CFTR: variants seen among roughly 807,000 people sequenced by gnomAD.
The protein encoded by CFTR is CF transmembrane conductance regulator.
Under a neutral mutation model 171.6 loss-of-function variants are expected in CFTR, and 181 were observed. The ratio of observed to expected loss-of-function variants is 1.05; its 90% CI spans 0.93 to 1.19. The LOEUF is 1.19. Among genes scored for constraint, CFTR ranks in the 50% most tolerant of loss-of-function variants. CFTR has a pLI of 0.00. For missense variants in CFTR, 1,968 were observed against 1,734.7 expected (o/e 1.13, Z -2.39); for synonymous variants, 583 against 608.0 (o/e 0.96, Z 0.60).
intron 22 of CFTR, among the ~76,000 whole-genome samples, chr7:117,640,863 C>T (rs1175087643): frequency 6.6e-6 from 1 of 152,158 alleles, no homozygotes; most frequent in East Asian, 1.9e-4. Context: ...ATCCATTCTT[C>T]CATCTGGCTA....
rs1792673994 is a variant in CFTR at position 117,627,658 on chromosome 7, A to G, written c.3605A>G (p.Asp1202Gly). Reference protein sequence around the residue: ...IIENSHVKKDDIWPSGGQMTV... With the variant: ...IIENSHVKKDGIWPSGGQMTV... ...GAGAATTCACACGTGAAGAAAGATG[A>G]CATCTGGCCCTCAGGGGGCCAAATG... Residue 1202 changes from aspartate to glycine, a missense_variant, in exon 22 of 27, where the codon GAC becomes GGC. By Grantham distance (94) the Asp-to-Gly change is moderately conservative. Transcript: ENST00000003084. The G allele has an allele frequency of 1.2e-6, 2 of 1,613,352 alleles. No homozygotes were observed. Among genetic ancestry groups the G allele is most frequent in the East Asian group, 2.2e-5 (1 of 44,834 alleles).
intron 5 of CFTR, 53 bp from the exon 6 acceptor site, chr7:117,535,195 C>T: frequency 6.3e-7 from 1 of 1,580,346 alleles, no homozygotes; most frequent in Non-Finnish European, 8.7e-7. Flanking sequence ...TTGTTAGTTT[C>T]TAGGGGTGGA....
At chr7:117,653,122 A>T (rs1193033922) in intron 24 of CFTR, among the ~76,000 whole-genome samples, 191 bp downstream of exon 24, 1 of 152,134 alleles carries the variant, frequency 6.6e-6, no homozygotes, top group Non-Finnish European at 1.5e-5. Flanking sequence ...ATGATTTTGA[A>T]AGAGGTAACT....
In CFTR at chr7:117,627,669, T is replaced by G. The variant is rs1792674462; in HGVS notation, c.3616T>G (p.Ser1206Ala). The change falls in exon 22 of 27, where the codon TCA (serine) becomes GCA (alanine). Residue 1206 changes from serine (S) to alanine (A), a missense_variant. Physicochemically the swap from Ser to Ala is moderately conservative, Grantham distance 99. Coordinates refer to ENST00000003084, the MANE Select transcript of CFTR (RefSeq NM_000492.4). ...SHVKKDDIWP[S>A]GGQMTVKDLT... Reference sequence around the variant, plus strand: ...CGTGAAGAAAGATGACATCTGGCCCTCAGGGGGCCAAATGACTGTCAAAGA... The same window carrying G: ...CGTGAAGAAAGATGACATCTGGCCCGCAGGGGGCCAAATGACTGTCAAAGA... 1 of 1,613,098 alleles carries G rather than the reference T, an allele frequency of 6.2e-7. No homozygotes were observed. The highest frequency in any genetic ancestry group is 8.5e-7 in the Non-Finnish European group (1 of 1,179,328).
intron 1 of CFTR, among the ~76,000 whole-genome samples, chr7:117,498,446 C>T (rs978049428): frequency 3.5e-4 from 53 of 152,200 alleles, no homozygotes; most frequent in Admixed American, 9.8e-4. Flanking sequence ...AGTAACTTGA[C>T]CCCAATACTG....
At position 117,606,880 on chromosome 7, in the gene CFTR, G is replaced by T. The variant is rs573852144; in HGVS notation, c.2988+127G>T. 23 of 721,086 alleles carry T rather than the reference G, an allele frequency of 3.2e-5. No individual in the cohort carries two copies. The South Asian group carries it at 3.3e-4, about 10-fold the overall frequency. The allele number at this position is 721,086 out of a possible 1,614,324, so 44.7% of individuals were successfully genotyped here. ...AAGTCCTGTCTATTGCATTAATTTT[G>T]TAATTATCCAAAGCCTTCAAAATAG... is the stretch of plus-strand genomic sequence containing the variant. On this transcript the variant is annotated intron_variant, in intron 18 of 26. Transcript: ENST00000003084.
chr7:117,532,981 A>G (rs1798887177), intron 4 of CFTR, among the ~76,000 whole-genome samples: 1 of 152,200 alleles, frequency 6.6e-6, no homozygotes, highest in Non-Finnish European at 1.5e-5. Context: ...AGTTTGTAAT[A>G]GAGCTCTTCT....
intron 10 of CFTR, among the ~76,000 whole-genome samples, chr7:117,559,082 A>C (rs1419222696): frequency 1.3e-5 from 2 of 152,214 alleles, no homozygotes; most frequent in African/African-American, 4.8e-5. Flanking sequence ...ATTTCTGTGA[A>C]GATTAAATAA....
At chr7:117,484,100 G>C (rs1798037300) in intron 1 of CFTR, among the ~76,000 whole-genome samples, 1 of 152,200 alleles carries the variant, frequency 6.6e-6, no homozygotes, top group African/African-American at 2.4e-5. Context: ...TTATGGCTAA[G>C]CCATAAATAT....
At chr7:117,504,214 A>G in intron 1 of CFTR, 39 bp from the exon 2 acceptor site, 2 of 1,222,000 alleles carry the variant, frequency 1.6e-6, no homozygotes, top group Non-Finnish European at 1.2e-6. Context: ...TATGGAGACC[A>G]AATCAAGTGA....
At chr7:117,570,793 A>G (rs1044334133) in intron 11 of CFTR, among the ~76,000 whole-genome samples, 10 of 152,232 alleles carry the variant, frequency 6.6e-5, no homozygotes, top group African/African-American at 2.4e-4. Flanking sequence ...TTAAACTATC[A>G]AGACTATAAA....
rs530993180 is a variant in CFTR at position 117,575,549 on chromosome 7, G to A, written c.1585-12190G>A. Among the ~76,000 whole-genome samples, 90 of 152,214 alleles carry A rather than the reference G, an allele frequency of 5.9e-4. 2 individuals carry two copies. The highest frequency in any genetic ancestry group is 1.0e-3 in the Non-Finnish European group (71 of 68,014). On this transcript the variant is annotated intron_variant, in intron 11 of 26. Coordinates refer to ENST00000003084, the MANE Select transcript of CFTR (RefSeq NM_000492.4). ...GAGTTTGTCTCAAGATTTCTTGCAC[G>A]TGAATGAATGAGTACAGCTGGGATA...
At chr7:117,602,933 G>T in intron 16 of CFTR, 70 bp downstream of exon 16, 1 of 1,281,958 alleles carries the variant, frequency 7.8e-7, no homozygotes, top group East Asian at 2.3e-5. Flanking sequence ...AATCCACTAT[G>T]TTTGTATGTA....
intron 23 of CFTR, among the ~76,000 whole-genome samples, chr7:117,648,015 T>C (rs1793021105): frequency 6.7e-6 from 1 of 148,630 alleles, no homozygotes; most frequent in Non-Finnish European, 1.5e-5. Flanking sequence ...TGTGTGTGTG[T>C]GTGTGTGTGT....
chr7:117,558,072 T>A (rs974500132), intron 10 of CFTR, among the ~76,000 whole-genome samples: 16 of 152,204 alleles, frequency 1.1e-4, no homozygotes, highest in African/African-American at 3.9e-4. Context: ...GATTTTTTTT[T>A]ACTAATTTTG....
At chr7:117,571,295 C>A (rs1238317800) in intron 11 of CFTR, among the ~76,000 whole-genome samples, 1 of 152,100 alleles carries the variant, frequency 6.6e-6, no homozygotes, top group Non-Finnish European at 1.5e-5. Flanking sequence ...GTTAGGAAAT[C>A]CAGAGCAGGA....
At chr7:117,605,501 T>C (rs1167190675) in intron 17 of CFTR, among the ~76,000 whole-genome samples, 2 of 152,170 alleles carry the variant, frequency 1.3e-5, no homozygotes, top group African/African-American at 4.8e-5. Context: ...GTTTATAAGT[T>C]CCTGTGATAT....
rs1429566 is a variant in CFTR, at chr7:117,530,720, G to A, written c.274-179G>A. The stretch of plus-strand genomic sequence containing the variant: ...CCACTGTTGCTATAACAAATCCCAA[G>A]TCTTATTTCAAAGTACCAAGATATT... On this transcript the variant is annotated intron_variant, in intron 3 of 26. Coordinates refer to ENST00000003084, the MANE Select transcript of CFTR (RefSeq NM_000492.4). 0.25 allele frequency among the ~76,000 whole-genome samples: 38,256 copies of A among 151,966 alleles called. 5,098 individuals carry two copies. The highest frequency in any genetic ancestry group is 0.42 in the East Asian group (2,161 of 5,172).
intron 3 of CFTR, among the ~76,000 whole-genome samples, chr7:117,521,970 T>C (rs576413248): frequency 9.9e-5 from 15 of 152,140 alleles, no homozygotes; most frequent in Non-Finnish European, 1.9e-4. Context: ...GAATTTAGAC[T>C]CATCTACAAT....
Sources: allele counts gnomAD v4.1 joint callset (sites outside exome capture counted in the v4.1 genomes callset), GRCh38; gene constraint gnomAD v4.1.1; transcripts MANE v1.5; gene names NCBI Gene and HGNC (gene_info 2026-07-23, HGNC 2026-07-21).